Variants in EXTL3 observed in about 807,000 individuals in gnomAD.
EXTL3 encodes the protein exostosin like glycosyltransferase 3.
A neutral mutation model predicts 69.3 loss-of-function variants in EXTL3; 27 were observed. The ratio of observed to expected loss-of-function variants is 0.39; its 90% confidence interval spans 0.29 to 0.54. The LOEUF is 0.54. Among genes scored for constraint, EXTL3 ranks in the 20% least tolerant of loss-of-function variants. The pLI is 0.69. For missense variants in EXTL3, 1,003 were observed against 1,231.8 expected, an observed-to-expected ratio of 0.81 and a Z score of 2.78; for synonymous variants, 511 against 499.4, an observed-to-expected ratio of 1.02 and a Z score of -0.31.
chr8:28,642,840 CAT>C (rs60436728), intron 1 of EXTL3, among the ~76,000 whole-genome samples: 2,389 of 152,092 alleles, frequency 0.016, 55 homozygotes, highest in African/African-American at 0.054. Flanking sequence ...TAGTTATAGA[CAT>C]TTTAATTTTA....
At chr8:28,630,688 G>T (rs1035346319) in intron 1 of EXTL3, among the ~76,000 whole-genome samples, 1 of 152,238 alleles carries the variant, frequency 6.6e-6, no homozygotes, top group Non-Finnish European at 1.5e-5. Context: ...TGAGTGCCAC[G>T]TTAGTGGCAA....
Position 28,690,019 on chromosome 8 carries a change from C to T in EXTL3, c.-52-23438C>T, listed in dbSNP as rs558178116. On this transcript the variant is annotated intron_variant, in intron 1 of 6. Coordinates refer to the EXTL3 transcript ENST00000523149. ...AGCCATAAATACAGTTTCTGCATTGCACCACATTGCATCCCTGGGGGGCTA... is the reference window on the plus strand; with the variant it reads ...AGCCATAAATACAGTTTCTGCATTGTACCACATTGCATCCCTGGGGGGCTA... Among the ~76,000 whole-genome samples, 199 of 152,306 alleles carry T rather than the reference C, an allele frequency of 1.3e-3. 2 individuals are homozygous for T. The highest frequency in any genetic ancestry group is 4.5e-3 in the African/African-American group (186 of 41,562).
At chr8:28,731,377 T>A in intron 4 of EXTL3, 27 bp downstream of exon 4, 1 of 1,614,006 alleles carries the variant, frequency 6.2e-7, no homozygotes, top group Non-Finnish European at 8.5e-7. Flanking sequence ...CAATCAAAAC[T>A]TTAGGTTGCA....
At chr8:28,719,265 TA>T (rs1259075531) in intron 3 of EXTL3, among the ~76,000 whole-genome samples, 5 of 152,244 alleles carry the variant, frequency 3.3e-5, no homozygotes, top group Non-Finnish European at 7.3e-5. Flanking sequence ...CTTTGATAAT[TA>T]GCTTTTTTGA....
At chr8:28,694,952 C>A (rs943500098) in intron 1 of EXTL3, among the ~76,000 whole-genome samples, 1 of 151,656 alleles carries the variant, frequency 6.6e-6, no homozygotes, top group South Asian at 2.1e-4. Context: ...GCAGAGGTTG[C>A]CAAAACTGAG....
At chr8:28,642,131 G>A (rs1339927176) in intron 1 of EXTL3, among the ~76,000 whole-genome samples, 3 of 152,078 alleles carry the variant, frequency 2.0e-5, no homozygotes, top group African/African-American at 4.8e-5. Flanking sequence ...CACCGTGCCC[G>A]GCCTTTTTTA....
chr8:28,727,448 A>T (rs959040176), intron 3 of EXTL3, among the ~76,000 whole-genome samples: 3 of 152,206 alleles, frequency 2.0e-5, no homozygotes, highest in African/African-American at 7.2e-5. Context: ...ACCCCACCTA[A>T]GTCTTCTAAA....
chr8:28,700,660 T>C (rs867967419), upstream of EXTL3: 1 of 152,100 alleles, frequency 6.6e-6, no homozygotes, highest in Non-Finnish European at 1.5e-5. Context: ...GTTCTGGGTA[T>C]TAAAAACATT....
chr8:28,737,376 G>A, intron 4 of EXTL3, 143 bp from the exon 5 acceptor site: 1 of 884,282 alleles, frequency 1.1e-6, no homozygotes, highest in South Asian at 1.5e-5. Flanking sequence ...TTGGCTTGTT[G>A]TTGATTTTGT....
intron 1 of EXTL3, among the ~76,000 whole-genome samples, chr8:28,701,940 C>T (rs1013572028): frequency 6.6e-6 from 1 of 152,158 alleles, no homozygotes; most frequent in South Asian, 2.1e-4. Context: ...CCCTCCCCGC[C>T]CCCACACGCC....
intron 6 of EXTL3, among the ~76,000 whole-genome samples, chr8:28,749,240 T>C (rs991811281): frequency 6.6e-6 from 1 of 151,478 alleles, no homozygotes; most frequent in African/African-American, 2.4e-5. Context: ...AATAAAGCCA[T>C]TAGATAGACT....
chr8:28,754,698 A>G lies in EXTL3; in HGVS notation c.*3832A>G, dbSNP rs765580405. 4 of 152,266 alleles carry G rather than the reference A, an allele frequency of 2.6e-5. No individual in the cohort carries two copies. The highest frequency in any genetic ancestry group is 5.9e-5 in the Non-Finnish European group (4 of 68,064). The allele number at this position is 152,266 out of a possible 1,614,324, so 9.4% of individuals were successfully genotyped here. On this transcript the variant is annotated 3_prime_UTR_variant, in exon 7 of 7. Coordinates refer to ENST00000220562, the MANE Select transcript of EXTL3 (RefSeq NM_001440.4). ...TGTGTCTTGGACTTACGGTCTGCCA[A>G]GGTGGTAAATGTTAGCTGTTGATGG...
At chr8:28,657,128 A>G (rs1326764761) in intron 1 of EXTL3, among the ~76,000 whole-genome samples, 1 of 151,854 alleles carries the variant, frequency 6.6e-6, no homozygotes, top group Non-Finnish European at 1.5e-5. Context: ...TTTTTGGTAA[A>G]GTGGAGGTTT....
intron 4 of EXTL3, among the ~76,000 whole-genome samples, chr8:28,735,323 G>T (rs943453472): frequency 1.3e-5 from 2 of 152,162 alleles, no homozygotes; most frequent in Non-Finnish European, 2.9e-5. Flanking sequence ...CCAACCCTTA[G>T]ATCCAAGAAT....
Position 28,709,362 on chromosome 8 carries a change from G to A in EXTL3, c.-569-4095G>A, listed in dbSNP as rs868425323. On this transcript the variant is annotated intron_variant, in intron 1 of 6. Coordinates refer to ENST00000220562, the MANE Select transcript of EXTL3 (RefSeq NM_001440.4). ...ATAATTATTTAAGATATTAGAGGCC[G>A]TTGAAGGTTTCATTGGGAACATCTG... Among the ~76,000 whole-genome samples, 12 of 152,232 alleles carry A rather than the reference G, an allele frequency of 7.9e-5. 1 individual carries two copies. The Middle Eastern group carries it at 0.031, about 388-fold the overall frequency.
chr8:28,640,910 C>T (rs1806732167), intron 1 of EXTL3, among the ~76,000 whole-genome samples: 1 of 152,148 alleles, frequency 6.6e-6, no homozygotes, highest in Admixed American at 6.6e-5. Flanking sequence ...CTGTTATTAG[C>T]ACTTTTAACA....
At chr8:28,702,607 T>A (rs1375746136) in intron 1 of EXTL3, among the ~76,000 whole-genome samples, 1 of 143,768 alleles carries the variant, frequency 7.0e-6, no homozygotes, top group African/African-American at 2.6e-5. Context: ...AACCTGGATT[T>A]TTCTTCCCTT....
intron 2 of EXTL3, among the ~76,000 whole-genome samples, chr8:28,607,991 T>C (rs1806220582): frequency 6.6e-6 from 1 of 151,444 alleles, no homozygotes; most frequent in Admixed American, 6.6e-5. Flanking sequence ...GCGCCTGTAG[T>C]CCCAGCTACT....
chr8:28,659,783 A>G (rs1268523807), intron 1 of EXTL3, among the ~76,000 whole-genome samples: 1 of 152,194 alleles, frequency 6.6e-6, no homozygotes, highest in East Asian at 1.9e-4. Flanking sequence ...TGCAAACATG[A>G]CATCATTGCA....
Sources: allele counts gnomAD v4.1 joint callset (sites outside exome capture counted in the v4.1 genomes callset), GRCh38; gene constraint gnomAD v4.1.1; transcripts MANE v1.5; gene names NCBI Gene and HGNC (gene_info 2026-07-23, HGNC 2026-07-21).